STOX2: variants seen among roughly 807,000 people sequenced by gnomAD.
The protein encoded by STOX2 is storkhead box 2.
Under a neutral mutation model 60.9 loss-of-function variants are expected in STOX2, and 28 were observed. That is an observed-to-expected ratio of 0.46 (90% confidence interval 0.34 to 0.63). The LOEUF is 0.63. STOX2 is among the 30% of genes least tolerant of loss of function. The probability of loss-of-function intolerance (pLI) is 0.01; values close to 1 mark genes in which losing one functional copy is unlikely to be tolerated. For synonymous variants in STOX2, 472 were observed against 463.9 expected (o/e 1.02, Z -0.22); for missense variants, 1,024 against 1,187.7 (o/e 0.86, Z 2.03).
chr4:183,950,856 G>T (rs1743048704), intron 1 of STOX2, among the ~76,000 whole-genome samples: 2 of 152,162 alleles, frequency 1.3e-5, no homozygotes, highest in African/African-American at 4.8e-5. Context: ...AGTTAGGGAT[G>T]TTCACTGGGG....
intron 3 of STOX2, 145 bp from the exon 4 acceptor site, chr4:184,016,944 A>C (rs1408201635): frequency 5.6e-5 from 35 of 627,904 alleles, no homozygotes; most frequent in South Asian, 2.8e-4. Flanking sequence ...GCAGATGTGA[A>C]TAATCAGTCG....
intron 1 of STOX2, among the ~76,000 whole-genome samples, chr4:183,946,110 C>T (rs1208673186): frequency 4.6e-5 from 7 of 152,086 alleles, no homozygotes; most frequent in East Asian, 1.9e-4. Context: ...CAAATAAATA[C>T]GAGACGTCGG....
In STOX2 at chr4:183,836,700, G is replaced by A. The variant is rs1006441535; in HGVS notation, c.364+38645G>A. ...CATCGCAGTCACCGTCTCCCATTTC[G>A]TGGCAGGGTCAGTGACTTCTCGTGA... On this transcript the variant is annotated intron_variant, in intron 1 of 2. Transcript: ENST00000513034. The surrounding 1 kb of genome is among the most constrained non-coding windows in gnomAD (Gnocchi z 4.1). Among the ~76,000 whole-genome samples the A allele has an allele frequency of 6.6e-6, 1 of 152,158 alleles. No individual in the cohort carries two copies.
intron 1 of STOX2, among the ~76,000 whole-genome samples, chr4:183,899,605 C>T (rs1193763255): frequency 6.6e-6 from 1 of 152,172 alleles, no homozygotes; most frequent in African/African-American, 2.4e-5. Context: ...CCCTAACTAG[C>T]TTCAATTCTC....
At chr4:183,976,893 A>C (rs957590739) in intron 1 of STOX2, among the ~76,000 whole-genome samples, 1 of 152,238 alleles carries the variant, frequency 6.6e-6, no homozygotes, top group Non-Finnish European at 1.5e-5. Context: ...ACAAGCTGTA[A>C]TAAAACTGCC....
chr4:183,830,693 C>A (rs115606475), intron 1 of STOX2, among the ~76,000 whole-genome samples: 2 of 152,174 alleles, frequency 1.3e-5, no homozygotes, highest in Admixed American at 1.3e-4. Flanking sequence ...GAAAACATAC[C>A]TTTCATCATA....
chr4:183,892,901 G>A (rs1741258811), intron 1 of STOX2, among the ~76,000 whole-genome samples: 1 of 152,062 alleles, frequency 6.6e-6, no homozygotes, highest in Non-Finnish European at 1.5e-5. Context: ...AACATGGATG[G>A]ATTCCCTTAC....
intron 1 of STOX2, among the ~76,000 whole-genome samples, chr4:183,888,984 T>C (rs116512488): frequency 0.01 from 1,572 of 151,980 alleles, 26 homozygotes; most frequent in African/African-American, 0.036. Context: ...AAGGTTTGCT[T>C]TGATGAACTG....
In STOX2 at chr4:183,826,691, C is replaced by T. The variant is rs79981902; in HGVS notation, c.364+28636C>T. ...GTTTTCCCGACCGTGGAATCTGCCC[C>T]GCAGGGTTTGCGGAGGCTTAAGTGG... On this transcript the variant is annotated intron_variant, in intron 1 of 2. Transcript: ENST00000513034. 7.5e-3 allele frequency among the ~76,000 whole-genome samples: 1,142 copies of T among 152,300 alleles called. 12 individuals carry two copies. Among genetic ancestry groups the T allele is most frequent in the African/African-American group, 0.025 (1,045 of 41,556 alleles).
At chr4:183,852,121 G>GGATGAGGGAAAC (rs1740159043) in intron 1 of STOX2, among the ~76,000 whole-genome samples, 1 of 137,626 alleles carries the variant, frequency 7.3e-6, no homozygotes, top group Non-Finnish European at 1.6e-5. Flanking sequence ...ATGAGGGAAA[G>GGATGAGGGAAAC]GATGAGGGAA....
At chr4:183,926,649 A>G (rs533255829) in intron 1 of STOX2, among the ~76,000 whole-genome samples, 6 of 151,042 alleles carry the variant, frequency 4.0e-5, no homozygotes, top group Non-Finnish European at 7.4e-5. Flanking sequence ...TTTGAGACAG[A>G]GTCTTGTTCT....
chr4:183,833,807 C>T (rs1208733311), intron 1 of STOX2, among the ~76,000 whole-genome samples: 1 of 149,224 alleles, frequency 6.7e-6, no homozygotes, highest in Admixed American at 7.2e-5. Context: ...AACGGTGAAA[C>T]CCCGTCTCTA....
upstream of STOX2, among the ~76,000 whole-genome samples, chr4:183,902,975 AC>A (rs1258373892): frequency 1.3e-5 from 2 of 151,824 alleles, no homozygotes; most frequent in African/African-American, 2.4e-5. Context: ...CCATCAACTC[AC>A]CTCCCGTCTT....
intron 1 of STOX2, among the ~76,000 whole-genome samples, chr4:183,957,438 C>A (rs966940378): frequency 6.6e-6 from 1 of 152,110 alleles, no homozygotes; most frequent in Admixed American, 6.6e-5. Flanking sequence ...ATGTGATATT[C>A]GAATTCGATA....
chr4:183,980,154 T>C (rs1279177826), intron 1 of STOX2, among the ~76,000 whole-genome samples: 5 of 152,302 alleles, frequency 3.3e-5, no homozygotes. Flanking sequence ...ATCAGGATTT[T>C]ATGACATTTT....
At chr4:183,890,805 AG>A (rs1400744326) in intron 1 of STOX2, among the ~76,000 whole-genome samples, 1 of 152,126 alleles carries the variant, frequency 6.6e-6, no homozygotes, top group Non-Finnish European at 1.5e-5. Flanking sequence ...AGAGAAAAAG[AG>A]AGAGCTTGTT....
At chr4:183,798,758 C>T in intron 1 of STOX2, 1 of 985,404 alleles carries the variant, frequency 1.0e-6, no homozygotes, top group South Asian at 4.7e-5. Context: ...GGCAGAGTCG[C>T]CCAGAGGTGA....
At chr4:183,882,943 T>G (rs1039347796) in intron 1 of STOX2, among the ~76,000 whole-genome samples, 17 of 152,374 alleles carry the variant, frequency 1.1e-4, no homozygotes, top group African/African-American at 4.1e-4. Context: ...AGTGGAAACA[T>G]TTCCAAGAAA....
In STOX2 at chr4:183,966,115, C is replaced by T. The variant is rs576274985; in HGVS notation, c.167-35210C>T. On this transcript the variant is annotated intron_variant, in intron 1 of 3. Coordinates refer to ENST00000308497, the MANE Select transcript of STOX2 (RefSeq NM_020225.3). ...GAGAAAGACAGGTGGGTCAGGCAAT[C>T]AGAGAGAGTTTTGGGACCAGGGAGG... 3.7e-4 allele frequency among the ~76,000 whole-genome samples: 57 copies of T among 152,102 alleles called. 1 individual carries two copies. The highest frequency in any genetic ancestry group is 1.3e-3 in the African/African-American group (55 of 41,490).
Sources: gnomAD v4.1 joint callset for allele counts (sites outside exome capture counted in the v4.1 genomes callset) on GRCh38, gnomAD v4.1.1 for gene constraint, Gnocchi (gnomAD v3.1) non-coding constraint, MANE v1.5 for transcripts, NCBI Gene and HGNC (gene_info 2026-07-23, HGNC 2026-07-21) for gene names.